The following DIS3L2 variants were observed in gnomAD, a reference collection of about 807,000 sequenced individuals.
DIS3L2 encodes the protein DIS3-like exonuclease 2.
Under a neutral mutation model 97.5 loss-of-function variants are expected in DIS3L2, and 34 were observed. That is an observed-to-expected ratio of 0.35 (90% CI 0.27 to 0.46). The LOEUF (loss-of-function observed/expected upper bound fraction) is 0.46, where lower values mean the gene tolerates loss of function less well. Among genes scored for constraint, DIS3L2 ranks in the 20% least tolerant of loss-of-function variants. The probability of loss-of-function intolerance (pLI) is 1.00; values close to 1 mark genes in which losing one functional copy is unlikely to be tolerated. For missense variants in DIS3L2, 1,038 were observed against 1,146.0 expected (o/e 0.91, Z 1.36); for synonymous variants, 435 against 445.2 (o/e 0.98, Z 0.29).
intron 12 of DIS3L2, chr2:232,260,702 A>G (rs2106277861): frequency 6.6e-6 from 1 of 152,326 alleles, no homozygotes; most frequent in South Asian, 2.1e-4. Context: ...AGTTGCCACC[A>G]TTCTTTTCCT....
intron 9 of DIS3L2, among the ~76,000 whole-genome samples, chr2:232,185,454 C>T (rs533527780): frequency 1.4e-4 from 22 of 152,132 alleles, no homozygotes; most frequent in Admixed American, 5.9e-4. Context: ...AAAGCAGTAC[C>T]GAGGAAAATT....
At chr2:232,047,394 A>G (rs978937523) in intron 5 of DIS3L2, among the ~76,000 whole-genome samples, 1 of 152,212 alleles carries the variant, frequency 6.6e-6, no homozygotes, top group African/African-American at 2.4e-5. Flanking sequence ...TTAAATGACT[A>G]TATTTGAGGT....
rs199689660 is a variant in DIS3L2, at chr2:232,258,619, A to G, written c.1426-4588A>G. On this transcript the variant is annotated intron_variant, in intron 12 of 20. Transcript: ENST00000325385. ...GTCTCAAAAAAAAAAAAAAAAAAAAAAGGAAAGAGGAAAGACATGATCTTC... is the reference window on the plus strand; with the variant it reads ...GTCTCAAAAAAAAAAAAAAAAAAAAGAGGAAAGAGGAAAGACATGATCTTC... Among the ~76,000 whole-genome samples, 15 of 151,538 alleles carry G rather than the reference A, an allele frequency of 9.9e-5. 1 individual carries two copies. In the East Asian group the frequency reaches 2.5e-3, roughly 25 times the overall value.
chr2:232,183,947 C>G (rs142145648), intron 9 of DIS3L2, among the ~76,000 whole-genome samples: 1 of 152,102 alleles, frequency 6.6e-6, no homozygotes, highest in Non-Finnish European at 1.5e-5. Context: ...CTGGTTTTCA[C>G]CACGATTACA....
At chr2:232,064,398 A>G (rs1004335187) in intron 5 of DIS3L2, among the ~76,000 whole-genome samples, 6 of 152,116 alleles carry the variant, frequency 3.9e-5, no homozygotes, top group East Asian at 1.9e-4. Context: ...CTAGTATTCC[A>G]TTGTATAGAT....
intron 10 of DIS3L2, among the ~76,000 whole-genome samples, chr2:232,227,035 G>A (rs1195261252): frequency 6.6e-6 from 1 of 152,064 alleles, no homozygotes; most frequent in Non-Finnish European, 1.5e-5. Context: ...ATAACTAACT[G>A]ATATATGGAC....
At chr2:232,343,259 A>C in intron 13 of DIS3L2, 2 of 1,157,986 alleles carry the variant, frequency 1.7e-6, no homozygotes, top group South Asian at 1.5e-5. Context: ...ACGCAGGCTG[A>C]GTAGGCTCAC....
chr2:232,015,359 C>T (rs1694323110), intron 2 of DIS3L2, among the ~76,000 whole-genome samples, 155 bp from the exon 3 acceptor site: 1 of 152,208 alleles, frequency 6.6e-6, no homozygotes, highest in East Asian at 1.9e-4. Context: ...TTCTTAGCCA[C>T]TCTTTCCTTT....
intron 14 of DIS3L2, among the ~76,000 whole-genome samples, chr2:232,313,568 A>G (rs1215889114): frequency 2.0e-5 from 3 of 152,236 alleles, no homozygotes; most frequent in Non-Finnish European, 4.4e-5. Context: ...GAGGTCGTAA[A>G]AATACCACTT....
At chr2:232,260,834 T>A (rs1005166407) in intron 12 of DIS3L2, 2 of 152,356 alleles carry the variant, frequency 1.3e-5, no homozygotes, top group Admixed American at 1.3e-4. Flanking sequence ...CTTTGTGGTG[T>A]GAACAGCACC....
At chr2:232,040,860 G>A (rs1323996574) in intron 5 of DIS3L2, among the ~76,000 whole-genome samples, 2 of 152,116 alleles carry the variant, frequency 1.3e-5, no homozygotes, top group Non-Finnish European at 2.9e-5. Context: ...TGATCATACT[G>A]TTATTTGTTA....
chr2:232,207,098 G>A (rs1453774558), intron 9 of DIS3L2, among the ~76,000 whole-genome samples: 1 of 152,180 alleles, frequency 6.6e-6, no homozygotes, highest in Non-Finnish European at 1.5e-5. Flanking sequence ...ATTTTGACTA[G>A]GGGAACATTT....
At chr2:232,073,080 G>A (rs1161406187) in intron 5 of DIS3L2, among the ~76,000 whole-genome samples, 1 of 152,112 alleles carries the variant, frequency 6.6e-6, no homozygotes, top group Non-Finnish European at 1.5e-5. Flanking sequence ...ATTTTATAAT[G>A]AAAAGCTTAT....
intron 9 of DIS3L2, among the ~76,000 whole-genome samples, chr2:232,163,977 T>C (rs1413241935): frequency 6.6e-5 from 10 of 152,254 alleles, no homozygotes; most frequent in Non-Finnish European, 1.2e-4. Flanking sequence ...ATGTTGCTTA[T>C]GGCTGTTTTT....
At chr2:232,245,597 G>A (rs1035773232) in intron 11 of DIS3L2, among the ~76,000 whole-genome samples, 3 of 152,198 alleles carry the variant, frequency 2.0e-5, no homozygotes, top group African/African-American at 7.2e-5. Flanking sequence ...AATTTCGTCT[G>A]AATTCTGCTT....
At chr2:232,123,063 A>G (rs934499308) in intron 6 of DIS3L2, among the ~76,000 whole-genome samples, 2 of 152,166 alleles carry the variant, frequency 1.3e-5, no homozygotes, top group South Asian at 2.1e-4. Flanking sequence ...ATCACTGTCT[A>G]TAACTGAATT....
chr2:231,976,756 A>G (rs2106171866), intron 1 of DIS3L2, among the ~76,000 whole-genome samples: 1 of 151,262 alleles, frequency 6.6e-6, no homozygotes, highest in South Asian at 2.1e-4. Context: ...AAATCATTTA[A>G]CACGAAGCCT....
At chr2:232,026,613 G>A (rs2106235732) in intron 4 of DIS3L2, among the ~76,000 whole-genome samples, 1 of 152,132 alleles carries the variant, frequency 6.6e-6, no homozygotes, top group South Asian at 2.1e-4. Flanking sequence ...CTTATTTTAG[G>A]GAAGCACATC....
chr2:232,288,131 A>G (rs903194837), intron 13 of DIS3L2, among the ~76,000 whole-genome samples: 3 of 152,242 alleles, frequency 2.0e-5, no homozygotes, highest in African/African-American at 7.2e-5. Context: ...TGGCTGCCCC[A>G]GGTCCAGAAG....
Sources: allele counts gnomAD v4.1 joint callset (sites outside exome capture counted in the v4.1 genomes callset), GRCh38; gene constraint gnomAD v4.1.1; transcripts MANE v1.5; gene names NCBI Gene and HGNC (gene_info 2026-07-23, HGNC 2026-07-21).